Variants in RBM28 observed in about 807,000 individuals in gnomAD.
RBM28 encodes RNA-binding protein 28.
RBM28 carries 78 observed loss-of-function variants against 98.3 expected under a neutral mutation model. The ratio of observed to expected loss-of-function variants is 0.79; its 90% CI spans 0.66 to 0.96. RBM28 has a LOEUF of 0.96. Ranked by LOEUF, RBM28 falls within the 40% of genes least tolerant of loss-of-function variation. RBM28 has a pLI of 0.00. For synonymous variants in RBM28, 306 were observed against 330.9 expected, an observed-to-expected ratio of 0.92 and a Z score of 0.82; for missense variants, 838 against 913.0, an observed-to-expected ratio of 0.92 and a Z score of 1.06.
At chr7:128,320,425 GAAGAAAAGAAAAAA>G (rs1562951347) in intron 14 of RBM28, among the ~76,000 whole-genome samples, 1 of 133,648 alleles carries the variant, frequency 7.5e-6, no homozygotes, top group Non-Finnish European at 1.6e-5. Context: ...AAAAAGAAAG[GAAGAAAAGAAAAAA>G]AAGAAAAGAG....
chr7:128,336,577 G>A (rs1796604850), intron 6 of RBM28, among the ~76,000 whole-genome samples: 1 of 152,306 alleles, frequency 6.6e-6, no homozygotes, highest in South Asian at 2.1e-4. Context: ...TCCCAGGAAG[G>A]GGCTTAGACT....
At chr7:128,313,083 T>C (rs958187973) in intron 18 of RBM28, 92 bp downstream of exon 18, 10 of 1,302,038 alleles carry the variant, frequency 7.7e-6, no homozygotes, top group Non-Finnish European at 1.1e-5. Context: ...GTCTTTCTTT[T>C]TTTCTTTTTT....
At chr7:128,336,806 T>C (rs952785720) in intron 6 of RBM28, among the ~76,000 whole-genome samples, 12 of 152,136 alleles carry the variant, frequency 7.9e-5, no homozygotes, top group African/African-American at 2.7e-4. Context: ...CAGGCTGGAG[T>C]GCAGTGGGGT....
At chr7:128,316,735 G>A (rs1187706761) in intron 16 of RBM28, among the ~76,000 whole-genome samples, 1 of 152,030 alleles carries the variant, frequency 6.6e-6, no homozygotes, top group East Asian at 1.9e-4. Flanking sequence ...AAACAAAACT[G>A]GTAGCTTCAG....
At chr7:128,335,402 CCTTTTCAG>C in intron 8 of RBM28, 133 bp downstream of exon 8, 1 of 1,034,828 alleles carries the variant, frequency 9.7e-7, no homozygotes, top group Admixed American at 2.4e-5. Flanking sequence ...ATAAAGGTTT[CCTTTTCAG>C]CATTTAAACA....
rs769198124 is a variant in RBM28, at chr7:128,305,421, G to A, written c.*5376C>T. The stretch of plus-strand genomic sequence containing the variant: ...ATTGAGTGTCAGATCCAGGGGAGAG[G>A]AAAAGGCGGCAGAGAACTAGGGAGA... On this transcript the variant is annotated 3_prime_UTR_variant, in exon 19 of 19. Coordinates refer to ENST00000223073, the MANE Select transcript of RBM28 (RefSeq NM_018077.3). The A allele has an allele frequency of 6.6e-6, 1 of 152,232 alleles. No homozygotes were observed. Among genetic ancestry groups the A allele is most frequent in the Non-Finnish European group, 1.5e-5 (1 of 68,076 alleles). The allele number at this position is 152,232 out of a possible 1,614,324, so 9.4% of individuals were successfully genotyped here.
chr7:128,343,603 G>T, intron 1 of RBM28, 73 bp downstream of exon 1: 2 of 1,081,690 alleles, frequency 1.8e-6, no homozygotes, highest in Non-Finnish European at 2.7e-6. Flanking sequence ...GAATGATACG[G>T]CTCCCTGAAG....
chr7:128,335,581 G>A lies in RBM28; in HGVS notation c.908C>T (p.Ala303Val). 6.2e-7 allele frequency: 1 copy of A among 1,614,170 alleles called. No individual in the cohort carries two copies. ...CTCCTCAGTGCTGGTATCACTCTGAGCCAGTTCCTCTCCATCATCAATACT... is the reference window on the plus strand; with the variant it reads ...CTCCTCAGTGCTGGTATCACTCTGAACCAGTTCCTCTCCATCATCAATACT... ...SDSIDDGEEL[A>V]QSDTSTEEQE... Residue 303 changes from alanine (A) to valine (V), a missense_variant, in exon 8 of 19, where the codon GCT becomes GTT. Physicochemically the swap from Ala to Val is moderately conservative, Grantham distance 64. Coordinates refer to ENST00000223073, the MANE Select transcript of RBM28 (RefSeq NM_018077.3).
rs371126444 is a variant in RBM28, at chr7:128,310,875, G to A, written c.2202C>T (p.Val734=). The A allele has an allele frequency of 1.9e-5, 31 of 1,613,756 alleles. No homozygotes were observed. Among genetic ancestry groups the A allele is most frequent in the East Asian group, 8.9e-5 (4 of 44,888 alleles). ...CCAATAATTTCTGCTTATATTGTTC[G>A]ACCAGCTGGTTGAAGCGGGTTTCCG... ...NKTETRFNQL[V]EQYKQKLLGP... is the part of the protein sequence containing the mutation. The change falls in exon 19 of 19, where the codon GTC becomes GTT. Residue 734 remains valine, a synonymous_variant. Transcript: ENST00000223073.
In RBM28 at chr7:128,321,322, G is replaced by A; in HGVS notation, c.1507C>T (p.Leu503Phe). 6.2e-7 allele frequency: 1 copy of A among 1,614,202 alleles called. No individual in the cohort carries two copies. The highest frequency in any genetic ancestry group is 8.5e-7 in the Non-Finnish European group (1 of 1,180,046). The part of the protein sequence containing the change: ...NLPKAVDDKQ[L>F]RKLLLSATSG... ...GTAGCACTCAGCAGCAGCTTTCTGAGCTGTTTGTCATCTACAGCCTTTGGG... is the reference window on the plus strand; with the variant it reads ...GTAGCACTCAGCAGCAGCTTTCTGAACTGTTTGTCATCTACAGCCTTTGGG... The change falls in exon 14 of 19, where the codon CTC becomes TTC. Residue 503 changes from leucine (L) to phenylalanine (F), a missense_variant. Coordinates refer to ENST00000223073, the MANE Select transcript of RBM28 (RefSeq NM_018077.3).
chr7:128,343,583 G>T, intron 1 of RBM28, 93 bp downstream of exon 1: 1 of 860,326 alleles, frequency 1.2e-6, no homozygotes, highest in Non-Finnish European at 1.8e-6. Context: ...TTCTCTTCGG[G>T]GAGGGTAAAG....
chr7:128,330,371 C>CTTTTTTT (rs72352301), intron 10 of RBM28, among the ~76,000 whole-genome samples: 1 of 83,448 alleles, frequency 1.2e-5, no homozygotes. Flanking sequence ...GTCCCTGGTC[C>CTTTTTTT]TTTTTTTTTT....
At position 128,304,418 on chromosome 7, in the gene RBM28, C is replaced by T. The variant is rs577454922; in HGVS notation, c.*6379G>A. On this transcript the variant is annotated 3_prime_UTR_variant, in exon 19 of 19. Coordinates refer to ENST00000223073, the MANE Select transcript of RBM28 (RefSeq NM_018077.3). ...CACATGAGATGGTTCAGTGCTAACTCACCCTTCTGACAGAAAATGCCAGAA... is the reference window on the plus strand; with the variant it reads ...CACATGAGATGGTTCAGTGCTAACTTACCCTTCTGACAGAAAATGCCAGAA... 1.3e-5 allele frequency: 2 copies of T among 152,356 alleles called. No homozygotes were observed. Among genetic ancestry groups the T allele is most frequent in the East Asian group, 3.9e-4 (2 of 5,192 alleles). 9.4% of individuals were successfully genotyped at this position (152,356 alleles called of 1,614,324 possible).
In RBM28 at chr7:128,343,006, A is replaced by C. The variant is rs147394318; in HGVS notation, c.118+670T>G. On this transcript the variant is annotated intron_variant, in intron 1 of 18. Transcript: ENST00000223073. ...TCCCTGGCTTATTTTTCTCCTTAGC[A>C]TTTGACATCATTTTCACGGTTGGCT... 2.0e-5 allele frequency among the ~76,000 whole-genome samples: 3 copies of C among 152,174 alleles called. No homozygotes were observed. The East Asian group carries it at 5.8e-4, about 29-fold the overall frequency.
intron 10 of RBM28, among the ~76,000 whole-genome samples, chr7:128,328,095 A>G (rs1201208722): frequency 1.3e-5 from 2 of 152,074 alleles, no homozygotes; most frequent in African/African-American, 4.8e-5. Flanking sequence ...TTATAGCACT[A>G]CTCAGGTGAC....
In RBM28 at chr7:128,323,603, G is replaced by A; in HGVS notation, c.1340-12C>T. 6.2e-7 allele frequency: 1 copy of A among 1,613,838 alleles called. No homozygotes were observed. Among genetic ancestry groups the A allele is most frequent in the East Asian group, 2.2e-5 (1 of 44,890 alleles). On this transcript the variant is annotated splice_polypyrimidine_tract_variant and intron_variant, in intron 12 of 18. Coordinates refer to ENST00000223073, the MANE Select transcript of RBM28 (RefSeq NM_018077.3). ...CCCAGCACGAATCACTGCAGAAAGA[G>A]GGAAAAAGGCCAAGACATCAACAAG...
intron 1 of RBM28, among the ~76,000 whole-genome samples, chr7:128,340,642 T>C (rs760593263): frequency 6.6e-6 from 1 of 152,194 alleles, no homozygotes; most frequent in East Asian, 1.9e-4. Context: ...CTCCTCAAAA[T>C]AGATCAGCAA....
chr7:128,331,264 T>A (rs1437578917), intron 9 of RBM28, among the ~76,000 whole-genome samples: 2 of 150,818 alleles, frequency 1.3e-5, no homozygotes, highest in Non-Finnish European at 2.9e-5. Context: ...CATGGATGTA[T>A]ACATATAAAA....
rs1335575164 is a variant in RBM28 at position 128,305,220 on chromosome 7, A to AT, written c.*5576dup. On this transcript the variant is annotated 3_prime_UTR_variant, in exon 19 of 19. Transcript: ENST00000223073. ...ATCCTGTTGTCTCACTGTAAATAGCATAAGAACAATGTTCTGGCCCCTCCC... is the reference window on the plus strand; with the variant it reads ...ATCCTGTTGTCTCACTGTAAATAGCATTAAGAACAATGTTCTGGCCCCTCCC... 1 of 151,872 alleles carries AT rather than the reference A, an allele frequency of 6.6e-6. No individual in the cohort carries two copies. The highest frequency in any genetic ancestry group is 1.9e-4 in the East Asian group (1 of 5,154). 9.4% of individuals were successfully genotyped at this position (151,872 alleles called of 1,614,324 possible). A position where few individuals can be genotyped will look rare whatever the true frequency, so the allele number is the denominator to read the frequency against.
Sources: gnomAD v4.1 joint callset for allele counts (sites outside exome capture counted in the v4.1 genomes callset) on GRCh38, gnomAD v4.1.1 for gene constraint, MANE v1.5 for transcripts, NCBI Gene and HGNC (gene_info 2026-07-23, HGNC 2026-07-21) for gene names.